The following HEATR5A variants were observed in gnomAD, a reference collection of about 807,000 sequenced individuals.
The protein encoded by HEATR5A is HEAT repeat containing 5A, also known as HEAT repeat-containing protein 5A.
In HEATR5A, 178 loss-of-function variants were observed where a neutral mutation model predicts 218.8. That is an observed-to-expected ratio of 0.81 (90% CI 0.72 to 0.92). The LOEUF (loss-of-function observed/expected upper bound fraction) is 0.92. Among genes scored for constraint, HEATR5A ranks in the 40% least tolerant of loss-of-function variants. The pLI is 0.00. For synonymous variants in HEATR5A, 864 were observed against 871.6 expected (o/e 0.99, Z 0.15); for missense variants, 2,420 against 2,418.9 (o/e 1.00, Z -0.01).
At chr14:31,326,930 C>T (rs947327976) in intron 22 of HEATR5A, among the ~76,000 whole-genome samples, 2 of 151,834 alleles carry the variant, frequency 1.3e-5, no homozygotes, top group African/African-American at 4.8e-5. Flanking sequence ...CAGGTGTGAG[C>T]CACTGAACCC....
In HEATR5A at chr14:31,294,010, A is replaced by C; in HGVS notation, c.5714T>G (p.Ile1905Ser). ...GTCTATTTCCTGCAGTTTTTCCATGATACAGGATGCTAAAGAGTAAATGTA... is the reference window on the plus strand; with the variant it reads ...GTCTATTTCCTGCAGTTTTTCCATGCTACAGGATGCTAAAGAGTAAATGTA... ...YPYIYSLASC[I>S]MEKLQEIDKR... Residue 1905 changes from isoleucine to serine, a missense_variant, in exon 35 of 36, where the codon ATC (isoleucine) becomes AGC (serine). Coordinates refer to ENST00000543095, the MANE Select transcript of HEATR5A (RefSeq NM_015473.4). 6.2e-7 allele frequency: 1 copy of C among 1,605,028 alleles called. No individual in the cohort carries two copies. The highest frequency in any genetic ancestry group is 2.2e-5 in the East Asian group (1 of 44,722).
chr14:31,301,889 C>T (rs968722508), intron 33 of HEATR5A, among the ~76,000 whole-genome samples: 2 of 149,302 alleles, frequency 1.3e-5, no homozygotes, highest in Non-Finnish European at 3.0e-5. Context: ...GTGATCTTGG[C>T]TCCCTGAAAC....
rs576393752 is a variant in HEATR5A at position 31,373,134 on chromosome 14, C to T, written c.1862-1225G>A. On this transcript the variant is annotated intron_variant, in intron 12 of 35. Coordinates refer to ENST00000543095, the MANE Select transcript of HEATR5A (RefSeq NM_015473.4). ...AGAGCAGTTCACCATGTTGTCCAGG[C>T]TGGTCTTGAACTCCTGAGCTCAAGC... 2.6e-5 allele frequency among the ~76,000 whole-genome samples: 4 copies of T among 152,132 alleles called. 1 individual carries two copies. The Middle Eastern group carries it at 0.01, about 388-fold the overall frequency.
chr14:31,326,556 T>A (rs1002563604), intron 22 of HEATR5A, among the ~76,000 whole-genome samples: 3 of 152,174 alleles, frequency 2.0e-5, no homozygotes, highest in Non-Finnish European at 2.9e-5. Context: ...GTAATGTCAC[T>A]GAAAAAAAGT....
rs1005955232 is a variant in HEATR5A at position 31,347,681 on chromosome 14, A to C, written c.2868+67T>G. 2.6e-6 allele frequency: 3 copies of C among 1,174,744 alleles called. No homozygotes were observed. In the African/African-American group the frequency reaches 4.7e-5, roughly 18 times the overall value. 72.8% of individuals were successfully genotyped at this position (1,174,744 alleles called of 1,614,324 possible). A position where few individuals can be genotyped will look rare whatever the true frequency, so the allele number is the denominator to read the frequency against. ...TATATTCATAAATTATTAATGTTCA[A>C]TATAAACACAATCTGCATCATCTAA... is the stretch of plus-strand genomic sequence containing the variant. On this transcript the variant is annotated intron_variant, in intron 19 of 35. Transcript: ENST00000543095.
At chr14:31,308,887 AC>A (rs369959056) in intron 29 of HEATR5A, 46 bp downstream of exon 29, 43 of 1,514,366 alleles carry the variant, frequency 2.8e-5, no homozygotes, top group Middle Eastern at 2.0e-4. Context: ...AAAAAAAAAA[AC>A]AAAAAACCCC....
chr14:31,395,402 G>A (rs2030617002), intron 4 of HEATR5A, 54 bp from the exon 5 acceptor site: 1 of 968,752 alleles, frequency 1.0e-6, no homozygotes, highest in Admixed American at 2.4e-5. Context: ...GCAAAGAACA[G>A]GATTAAACAT....
At position 31,343,930 on chromosome 14, in the gene HEATR5A, T is replaced by C. The variant is rs368986432; in HGVS notation, c.3194A>G (p.His1065Arg). The C allele has an allele frequency of 5.6e-6, 9 of 1,609,306 alleles. No homozygotes were observed. The highest frequency in any genetic ancestry group is 2.7e-5 in the African/African-American group (2 of 74,740). ...GCTAACCAGGCTAGACAAGTTGACA[T>C]GTCGTGGAGCAAACATATGAAGCTG... ...LQQLHMFAPR[H>R]VNLSSLVSCL... The change falls in exon 21 of 36, where the codon CAT becomes CGT. Residue 1065 changes from histidine to arginine, a missense_variant. Physicochemically the swap from His to Arg is conservative, Grantham distance 29. Transcript: ENST00000543095.
At chr14:31,413,913 T>C (rs1158646662) in intron 1 of HEATR5A, among the ~76,000 whole-genome samples, 1 of 152,210 alleles carries the variant, frequency 6.6e-6, no homozygotes, top group Admixed American at 6.5e-5. Flanking sequence ...AAGCATCCAG[T>C]CCTTCTAACT....
At chr14:31,396,159 C>T (rs142760295) in intron 4 of HEATR5A, among the ~76,000 whole-genome samples, 146 of 152,174 alleles carry the variant, frequency 9.6e-4, no homozygotes, top group Non-Finnish European at 1.8e-3. Flanking sequence ...GACTTCGAGA[C>T]CAGCCTGGGC....
At chr14:31,310,349 A>AT (rs796336399) in intron 28 of HEATR5A, among the ~76,000 whole-genome samples, 8 of 151,738 alleles carry the variant, frequency 5.3e-5, no homozygotes, top group African/African-American at 1.9e-4. Flanking sequence ...TGCATCCTTT[A>AT]TTTTTTTTGG....
chr14:31,407,733 A>G (rs2031133054), intron 1 of HEATR5A, among the ~76,000 whole-genome samples: 1 of 151,942 alleles, frequency 6.6e-6, no homozygotes, highest in Non-Finnish European at 1.5e-5. Flanking sequence ...GGTTCAAACA[A>G]TTCTCCTGCC....
At chr14:31,378,584 G>C (rs1384832348) in intron 11 of HEATR5A, among the ~76,000 whole-genome samples, 1 of 151,934 alleles carries the variant, frequency 6.6e-6, no homozygotes, top group African/African-American at 2.4e-5. Context: ...TCAGCACATC[G>C]AGGCCATCCT....
Position 31,309,080 on chromosome 14 carries a change from G to A in HEATR5A, c.4544C>T (p.Thr1515Met), listed in dbSNP as rs61754157. The A allele has an allele frequency of 2.1e-4, 342 of 1,613,936 alleles. 1 individual carries two copies. The African/African-American group carries it at 4.1e-3, about 20-fold the overall frequency. The change falls in exon 29 of 36, where the codon ACG becomes ATG. Residue 1515 changes from threonine (T) to methionine (M), a missense_variant. Thr to Met is a moderately conservative substitution (Grantham distance 81). Transcript: ENST00000543095. Reference protein sequence around the residue: ...LHATALWLTSTGFVVADPDEG... With the variant: ...LHATALWLTSMGFVVADPDEG... Reference sequence around the variant, plus strand: ...ATCTGGGTCAGCAACAACAAAACCCGTGCTTGTAAGCCACAATGCTGTAGC... The same window carrying A: ...ATCTGGGTCAGCAACAACAAAACCCATGCTTGTAAGCCACAATGCTGTAGC...
intron 27 of HEATR5A, among the ~76,000 whole-genome samples, 200 bp from the exon 28 acceptor site, chr14:31,313,390 G>C (rs1307662444): frequency 6.6e-6 from 1 of 152,074 alleles, no homozygotes; most frequent in Non-Finnish European, 1.5e-5. Context: ...TCTTCAATGA[G>C]ATGCATTAGG....
chr14:31,332,231 T>C (rs1460161851), intron 22 of HEATR5A, among the ~76,000 whole-genome samples: 1 of 152,258 alleles, frequency 6.6e-6, no homozygotes, highest in African/African-American at 2.4e-5. Context: ...ATCTTTGATG[T>C]TACTATTTTA....
At chr14:31,335,377 G>A (rs904140017) in intron 22 of HEATR5A, among the ~76,000 whole-genome samples, 2 of 151,752 alleles carry the variant, frequency 1.3e-5, no homozygotes, top group Non-Finnish European at 2.9e-5. Context: ...TAGAGACAAG[G>A]TCTCACTATA....
chr14:31,403,777 A>T (rs1028318260), intron 1 of HEATR5A, among the ~76,000 whole-genome samples: 2 of 152,220 alleles, frequency 1.3e-5, no homozygotes, highest in African/African-American at 4.8e-5. Context: ...TTGTAAAATT[A>T]TTGTTTTATT....
At chr14:31,406,046 G>A (rs2031049147) in intron 1 of HEATR5A, among the ~76,000 whole-genome samples, 1 of 152,232 alleles carries the variant, frequency 6.6e-6, no homozygotes, top group African/African-American at 2.4e-5. Context: ...CTCCACATTC[G>A]CACTACCAAT....
Sources: gnomAD v4.1 joint callset for allele counts (sites outside exome capture counted in the v4.1 genomes callset) on GRCh38, gnomAD v4.1.1 for gene constraint, MANE v1.5 for transcripts, NCBI Gene and HGNC (gene_info 2026-07-23, HGNC 2026-07-21) for gene names.